ASB15: variants seen among roughly 807,000 people sequenced by gnomAD.
ASB15 encodes ankyrin repeat and SOCS box protein 15.
In ASB15, 54 loss-of-function variants were observed where a neutral mutation model predicts 58.0. That is an observed-to-expected ratio of 0.93 (90% CI 0.75 to 1.17). The LOEUF (loss-of-function observed/expected upper bound fraction) is 1.17, where lower values mean the gene tolerates loss of function less well. ASB15 is among the 50% of genes most tolerant of loss of function. ASB15 has a pLI of 0.00. For synonymous variants in ASB15, 249 were observed against 262.4 expected (o/e 0.95, Z 0.50); for missense variants, 680 against 707.4 (o/e 0.96, Z 0.44).
rs1242622058 is a variant in ASB15 at position 123,617,746 on chromosome 7, C to T, written c.451+9C>T. 2 of 1,595,840 alleles carry T rather than the reference C, an allele frequency of 1.3e-6. No homozygotes were observed. The highest frequency in any genetic ancestry group is 1.7e-4 in the Middle Eastern group (1 of 5,968). On this transcript the variant is annotated intron_variant, in intron 7 of 11. Coordinates refer to ENST00000451215, the MANE Select transcript of ASB15 (RefSeq NM_001290258.2). ...GACCCCCCTTCTGATTGGTAAATGA[C>T]CTTTTTTTCTAGAACTTTTATAGTT...
rs1026467094 is a variant in ASB15 at position 123,617,615 on chromosome 7, A to G, written c.329A>G (p.Asp110Gly). 4 of 1,611,262 alleles carry G rather than the reference A, an allele frequency of 2.5e-6. No homozygotes were observed. Among genetic ancestry groups the G allele is most frequent in the Admixed American group, 1.7e-5 (1 of 59,994 alleles). Residue 110 changes from aspartate to glycine, a missense_variant, in exon 7 of 12, where the codon GAT (aspartate) becomes GGT (glycine). Asp to Gly is a moderately conservative substitution (Grantham distance 94). Transcript: ENST00000451215. ...YKTLWEFKTC[D>G]GETPLTLAVK... ...ACACTCTGGGAATTCAAGACCTGTG[A>G]TGGAGAAACACCCTTGACTTTGGCA...
At chr7:123,610,786 G>T (rs554494475) in intron 3 of ASB15, among the ~76,000 whole-genome samples, 2 of 152,258 alleles carry the variant, frequency 1.3e-5, no homozygotes, top group African/African-American at 4.8e-5. Flanking sequence ...GAGAACAAAT[G>T]ATTTATCTTG....
At chr7:123,610,829 T>C (rs552370256) in intron 3 of ASB15, among the ~76,000 whole-genome samples, 1 of 152,292 alleles carries the variant, frequency 6.6e-6, no homozygotes, top group South Asian at 2.1e-4. Context: ...GAATGTTAAA[T>C]GGCAAATTAT....
intron 1 of ASB15, among the ~76,000 whole-genome samples, chr7:123,579,028 T>C (rs1799150239): frequency 6.6e-6 from 1 of 152,080 alleles, no homozygotes. Context: ...GTAGTACTAA[T>C]AGGTGGTTTT....
intron 7 of ASB15, among the ~76,000 whole-genome samples, chr7:123,623,528 T>C (rs1801473158): frequency 2.6e-5 from 4 of 152,118 alleles, no homozygotes; most frequent in Admixed American, 2.0e-4. Context: ...ACAGTTGGCC[T>C]ATGTAGATTC....
intron 3 of ASB15, among the ~76,000 whole-genome samples, chr7:123,613,575 G>A (rs1166576350): frequency 6.6e-6 from 1 of 152,136 alleles, no homozygotes; most frequent in Non-Finnish European, 1.5e-5. Flanking sequence ...TCTTCAGGGA[G>A]GTGGGCCAGT....
At chr7:123,616,186 A>G (rs768077383) in intron 4 of ASB15, 35 bp from the exon 5 acceptor site, 1 of 1,477,522 alleles carries the variant, frequency 6.8e-7, no homozygotes, top group Non-Finnish European at 9.4e-7. Context: ...TATCACTAGT[A>G]TCTAGTATAA....
chr7:123,582,371 C>T (rs1301300842), intron 1 of ASB15, among the ~76,000 whole-genome samples: 3 of 151,956 alleles, frequency 2.0e-5, no homozygotes, highest in Non-Finnish European at 4.4e-5. Context: ...AATAACACCA[C>T]TACCCTAGTG....
intron 1 of ASB15, among the ~76,000 whole-genome samples, chr7:123,572,332 G>A (rs2116275316): frequency 6.6e-6 from 1 of 151,438 alleles, no homozygotes; most frequent in East Asian, 1.9e-4. Context: ...AGTAGAGACA[G>A]GTTTCACCAT....
rs114514161 is a variant in ASB15 at position 123,629,504 on chromosome 7, A to T, written c.1440+70A>T. 1,570 of 1,320,798 alleles carry T rather than the reference A, an allele frequency of 1.2e-3. 20 individuals carry two copies. In the African/African-American group the frequency reaches 0.02, roughly 17 times the overall value. 81.8% of individuals were successfully genotyped at this position (1,320,798 alleles called of 1,614,324 possible). Reference sequence around the variant, plus strand: ...TTAATACATGTTCATTCAATTAGGGATGTTACAAGAAAAGAAAAATAAACT... The same window carrying T: ...TTAATACATGTTCATTCAATTAGGGTTGTTACAAGAAAAGAAAAATAAACT... On this transcript the variant is annotated intron_variant, in intron 10 of 11. Transcript: ENST00000451215.
chr7:123,630,187 C>T lies in ASB15; in HGVS notation c.1594+68C>T, dbSNP rs1802048869. ...TTATATGGGGGAAATTTCTTAATGT[C>T]TTCTTTGATACTTTTCCTATGCTAC... On this transcript the variant is annotated intron_variant, in intron 11 of 11. Coordinates refer to ENST00000451215, the MANE Select transcript of ASB15 (RefSeq NM_001290258.2). 3.3e-6 allele frequency: 4 copies of T among 1,221,910 alleles called. No homozygotes were observed. The African/African-American group carries it at 6.1e-5, about 19-fold the overall frequency. 75.7% of individuals were successfully genotyped at this position (1,221,910 alleles called of 1,614,324 possible).
chr7:123,628,816 T>G (rs1258834789), intron 9 of ASB15, 48 bp from the exon 10 acceptor site: 2 of 1,291,040 alleles, frequency 1.5e-6, no homozygotes, highest in Non-Finnish European at 2.1e-6. Context: ...TTTATTTAAT[T>G]TCTTGATTTT....
intron 1 of ASB15, among the ~76,000 whole-genome samples, chr7:123,585,454 G>T (rs1799349884): frequency 6.6e-6 from 1 of 151,590 alleles, no homozygotes; most frequent in African/African-American, 2.4e-5. Context: ...AGCACCCTTT[G>T]ACCTGGATTT....
chr7:123,589,241 A>T (rs1302798183), intron 1 of ASB15, among the ~76,000 whole-genome samples: 32 of 151,566 alleles, frequency 2.1e-4, no homozygotes, highest in Non-Finnish European at 1.0e-4. Context: ...ATATAATTAC[A>T]ATTGTTATTT....
rs572847480 is a variant in ASB15, at chr7:123,607,815, A to C, written c.-63-779A>C. Reference sequence around the variant, plus strand: ...TTCCTAGACATAGAATTACAGAAGAAGGATAGGGCTTTTAAAAATCATTAT... The same window carrying C: ...TTCCTAGACATAGAATTACAGAAGACGGATAGGGCTTTTAAAAATCATTAT... On this transcript the variant is annotated intron_variant, in intron 2 of 11. Coordinates refer to ENST00000451215, the MANE Select transcript of ASB15 (RefSeq NM_001290258.2). Among the ~76,000 whole-genome samples, 10 of 152,318 alleles carry C rather than the reference A, an allele frequency of 6.6e-5. No homozygotes were observed. In the South Asian group the frequency reaches 1.7e-3, roughly 25 times the overall value.
At chr7:123,594,500 C>T (rs559670896) in intron 1 of ASB15, among the ~76,000 whole-genome samples, 2 of 152,246 alleles carry the variant, frequency 1.3e-5, no homozygotes, top group African/African-American at 4.8e-5. Context: ...TGATGCTATT[C>T]CTTTCTGTTT....
chr7:123,625,644 C>T (rs1801724120), intron 8 of ASB15, among the ~76,000 whole-genome samples: 1 of 152,144 alleles, frequency 6.6e-6, no homozygotes, highest in South Asian at 2.1e-4. Context: ...TTCTTTCCAA[C>T]AGATTGTGAC....
chr7:123,590,517 C>T (rs1189600555), intron 1 of ASB15, among the ~76,000 whole-genome samples: 3 of 152,060 alleles, frequency 2.0e-5, no homozygotes, highest in Admixed American at 6.5e-5. Context: ...AGGAAGGGGT[C>T]CAGTTTCAGC....
chr7:123,571,439 C>A (rs764275243), intron 1 of ASB15, among the ~76,000 whole-genome samples: 44 of 152,134 alleles, frequency 2.9e-4, no homozygotes, highest in Non-Finnish European at 5.6e-4. Flanking sequence ...TCATTAATCA[C>A]CCTGTGAAAG....
Sources: gnomAD v4.1 joint callset for allele counts (sites outside exome capture counted in the v4.1 genomes callset) on GRCh38, gnomAD v4.1.1 for gene constraint, MANE v1.5 for transcripts, NCBI Gene and HGNC (gene_info 2026-07-23, HGNC 2026-07-21) for gene names.